Variants in BORA observed in about 807,000 individuals in gnomAD.
The protein encoded by BORA is BORA aurora kinase A activator, also known as protein aurora borealis.
In BORA, 26 loss-of-function variants were observed where a neutral mutation model predicts 55.8. The ratio of observed to expected loss-of-function variants is 0.47; its 90% CI spans 0.34 to 0.65. BORA has a LOEUF of 0.65. BORA is among the 30% of genes least tolerant of loss of function. The pLI is 0.01. For missense variants in BORA, 568 were observed against 671.5 expected, an observed-to-expected ratio of 0.85 and a Z score of 1.70; for synonymous variants, 201 against 216.9, an observed-to-expected ratio of 0.93 and a Z score of 0.64.
At chr13:72,735,321 G>A (rs1293718789) in intron 4 of BORA, among the ~76,000 whole-genome samples, 1 of 152,056 alleles carries the variant, frequency 6.6e-6, no homozygotes, top group African/African-American at 2.4e-5. Flanking sequence ...TGTCTTCCTT[G>A]TGCCTTCAAA....
intron 4 of BORA, among the ~76,000 whole-genome samples, chr13:72,735,598 G>A (rs992383813): frequency 2.0e-5 from 3 of 151,796 alleles, no homozygotes; most frequent in Non-Finnish European, 4.4e-5. Context: ...TCTAAATAAG[G>A]TTATTATTAT....
At chr13:72,752,918 T>C (rs1446139657) in intron 10 of BORA, 1 of 152,226 alleles carries the variant, frequency 6.6e-6, no homozygotes, top group Admixed American at 6.5e-5. Flanking sequence ...TCTTTGGTGC[T>C]CAGCATTATA....
chr13:72,747,874 G>A (rs1483384396), intron 10 of BORA, among the ~76,000 whole-genome samples: 2 of 152,006 alleles, frequency 1.3e-5, no homozygotes, highest in Admixed American at 1.3e-4. Flanking sequence ...TTTTCTTTTA[G>A]AAACATGATT....
chr13:72,743,005 G>A (rs1418186397), intron 5 of BORA, among the ~76,000 whole-genome samples: 4 of 152,070 alleles, frequency 2.6e-5, no homozygotes, highest in East Asian at 1.9e-4. Flanking sequence ...GTTACCAGAC[G>A]GTAGGGAGGA....
intron 1 of BORA, 165 bp downstream of exon 1, chr13:72,728,172 G>T (rs1236242097): frequency 2.1e-6 from 2 of 948,810 alleles, no homozygotes; most frequent in Non-Finnish European, 3.3e-6. Flanking sequence ...GTAGGGTTGG[G>T]GGCGACGCCT....
At chr13:72,729,116 T>C in intron 2 of BORA, 23 bp downstream of exon 2, 1 of 1,480,216 alleles carries the variant, frequency 6.8e-7, no homozygotes, top group Non-Finnish European at 9.1e-7. Context: ...TGACTAGTGT[T>C]TACAACTAAT....
chr13:72,746,461 G>A (rs1175173578), intron 9 of BORA, 40 bp from the exon 10 acceptor site: 5 of 1,556,380 alleles, frequency 3.2e-6, no homozygotes, highest in Non-Finnish European at 4.3e-6. Flanking sequence ...CCATTTTCAT[G>A]TTTTTATGAT....
intron 10 of BORA, among the ~76,000 whole-genome samples, chr13:72,747,435 C>T (rs963057523): frequency 2.6e-5 from 4 of 151,996 alleles, no homozygotes; most frequent in African/African-American, 9.7e-5. Context: ...GGATCCAGTC[C>T]CCCAAAACAT....
intron 11 of BORA, 123 bp from the exon 12 acceptor site, chr13:72,755,028 T>G: frequency 1.4e-6 from 1 of 727,548 alleles, no homozygotes; most frequent in Non-Finnish European, 2.4e-6. Context: ...TACTGTATCT[T>G]TACTGTCCCT....
chr13:72,747,398 C>G (rs1186747842), intron 10 of BORA, among the ~76,000 whole-genome samples: 1 of 152,158 alleles, frequency 6.6e-6, no homozygotes, highest in Non-Finnish European at 1.5e-5. Context: ...CTGCTAGAGT[C>G]AGGCAGGATT....
rs1232112293 is a variant in BORA, at chr13:72,756,109, A to G, written c.*893A>G. On this transcript the variant is annotated 3_prime_UTR_variant, in exon 12 of 12. Transcript: ENST00000390667. Reference sequence around the variant, plus strand: ...GATGGGTATATAACAGTTTGGAAATACTATCTTTGGAGAATGTATTTTTGT... The same window carrying G: ...GATGGGTATATAACAGTTTGGAAATGCTATCTTTGGAGAATGTATTTTTGT... The G allele has an allele frequency of 2.5e-6, 1 of 396,182 alleles. No individual in the cohort carries two copies. The highest frequency in any genetic ancestry group is 4.4e-6 in the Non-Finnish European group (1 of 225,202). 24.5% of individuals were successfully genotyped at this position (396,182 alleles called of 1,614,324 possible). A position where few individuals can be genotyped will look rare whatever the true frequency, so the allele number is the denominator to read the frequency against.
At position 72,755,659 on chromosome 13, in the gene BORA, GATATAA is replaced by G. The variant is rs1230260344; in HGVS notation, c.*445_*450del. ...TTATAACCTATGTGAAGAAATCTTAGATATAAAACTAACTTTTCAAAGATACAAAAG... is the reference window on the plus strand; with the variant it reads ...TTATAACCTATGTGAAGAAATCTTAGAACTAACTTTTCAAAGATACAAAAG... On this transcript the variant is annotated 3_prime_UTR_variant, in exon 12 of 12. Transcript: ENST00000390667. 2.6e-6 allele frequency: 1 copy of G among 385,422 alleles called. No homozygotes were observed. Among genetic ancestry groups the G allele is most frequent in the Non-Finnish European group, 4.6e-6 (1 of 218,458 alleles). The allele number at this position is 385,422 out of a possible 1,614,324, so 23.9% of individuals were successfully genotyped here.
intron 5 of BORA, among the ~76,000 whole-genome samples, chr13:72,738,746 A>G (rs376398957): frequency 6.6e-6 from 1 of 152,214 alleles, no homozygotes; most frequent in African/African-American, 2.4e-5. Flanking sequence ...CAACATAATA[A>G]TACAACAATA....
chr13:72,734,700 G>C (rs2032884071), intron 3 of BORA, among the ~76,000 whole-genome samples: 2 of 152,122 alleles, frequency 1.3e-5, no homozygotes, highest in Admixed American at 1.3e-4. Flanking sequence ...ATCAATGTAA[G>C]TCTTTTGAAA....
intron 4 of BORA, 70 bp downstream of exon 4, chr13:72,735,075 G>A: frequency 8.0e-7 from 1 of 1,254,534 alleles, no homozygotes. Flanking sequence ...CTTCTTTTAG[G>A]AAGACTTTCT....
intron 8 of BORA, 82 bp from the exon 9 acceptor site, chr13:72,745,862 G>C: frequency 7.9e-7 from 1 of 1,260,634 alleles, no homozygotes; most frequent in East Asian, 2.5e-5. Context: ...AGTGTGTTTT[G>C]AAGACCATGA....
At chr13:72,751,167 T>C (rs2033265292) in intron 10 of BORA, among the ~76,000 whole-genome samples, 1 of 152,126 alleles carries the variant, frequency 6.6e-6, no homozygotes, top group South Asian at 2.1e-4. Flanking sequence ...TTGGTGGGAA[T>C]ATGAATTAGT....
At chr13:72,731,609 A>C (rs1191137337) in intron 3 of BORA, among the ~76,000 whole-genome samples, 1 of 152,156 alleles carries the variant, frequency 6.6e-6, no homozygotes, top group African/African-American at 2.4e-5. Context: ...TTTACAAGTA[A>C]CCTTTTCCCT....
intron 10 of BORA, among the ~76,000 whole-genome samples, chr13:72,749,175 T>C (rs1214511586): frequency 1.3e-5 from 2 of 152,214 alleles, no homozygotes; most frequent in African/African-American, 2.4e-5. Flanking sequence ...AGTTCAGAAA[T>C]GTCCTTCAGA....
Sources: gnomAD v4.1 joint callset for allele counts (sites outside exome capture counted in the v4.1 genomes callset) on GRCh38, gnomAD v4.1.1 for gene constraint, MANE v1.5 for transcripts, NCBI Gene and HGNC (gene_info 2026-07-23, HGNC 2026-07-21) for gene names.